GABRG2: variants seen among roughly 807,000 people sequenced by gnomAD.
The protein encoded by GABRG2 is gamma-aminobutyric acid receptor subunit gamma-2.
Under a neutral mutation model 56.4 loss-of-function variants are expected in GABRG2, and 16 were observed. The observed-to-expected ratio is 0.28, with a 90% CI of 0.19 to 0.43. GABRG2 has a LOEUF of 0.43. Among genes scored for constraint, GABRG2 ranks in the 20% least tolerant of loss-of-function variants. The pLI is 1.00. For missense variants in GABRG2, 327 were observed against 582.7 expected (o/e 0.56, Z 4.52); for synonymous variants, 208 against 205.5 (o/e 1.01, Z -0.10).
In GABRG2 at chr5:162,149,038, C is replaced by G. The variant is rs1244400695; in HGVS notation, c.923-70C>G. ...ATCAGAAGTCATGAAACAATGTAGT[C>G]TCACGAGTGACTCAGTTACCCAACT... is the stretch of plus-strand genomic sequence containing the variant. On this transcript the variant is annotated intron_variant, in intron 7 of 9. Coordinates refer to ENST00000639213, the MANE Select transcript of GABRG2 (RefSeq NM_198904.4). 5 of 1,382,834 alleles carry G rather than the reference C, an allele frequency of 3.6e-6. No individual in the cohort carries two copies. In the East Asian group the frequency reaches 1.1e-4, roughly 32 times the overall value. The allele number at this position is 1,382,834 out of a possible 1,614,324, so 85.7% of individuals were successfully genotyped here.
At chr5:162,144,628 C>T (rs1764823127) in intron 7 of GABRG2, among the ~76,000 whole-genome samples, 1 of 152,156 alleles carries the variant, frequency 6.6e-6, no homozygotes. Flanking sequence ...ATTTTTAGAG[C>T]TGAGCTAAGG....
At chr5:162,121,642 A>C (rs1195191819) in intron 6 of GABRG2, among the ~76,000 whole-genome samples, 4 of 152,068 alleles carry the variant, frequency 2.6e-5, no homozygotes, top group African/African-American at 9.7e-5. Flanking sequence ...GACTGACTGT[A>C]GATATAATGC....
chr5:162,113,239 C>A (rs1291709984), intron 6 of GABRG2, among the ~76,000 whole-genome samples: 1 of 152,108 alleles, frequency 6.6e-6, no homozygotes, highest in Non-Finnish European at 1.5e-5. Flanking sequence ...CATGCCCAGC[C>A]TGGTTTGTTT....
chr5:162,082,066 A>G (rs754711302), intron 1 of GABRG2, among the ~76,000 whole-genome samples: 10 of 151,858 alleles, frequency 6.6e-5, no homozygotes, highest in Non-Finnish European at 1.0e-4. Flanking sequence ...TTGAGAGTAC[A>G]TACTTGATTG....
At chr5:162,121,816 T>G (rs1160627228) in intron 6 of GABRG2, among the ~76,000 whole-genome samples, 2 of 151,996 alleles carry the variant, frequency 1.3e-5, no homozygotes, top group Non-Finnish European at 2.9e-5. Context: ...GAAATTGGGT[T>G]TGATAGTGTT....
At chr5:162,152,917 C>T in intron 9 of GABRG2, 176 bp from the exon 10 acceptor site, 1 of 751,584 alleles carries the variant, frequency 1.3e-6, no homozygotes, top group Non-Finnish European at 2.2e-6. Context: ...AATTTGAAAT[C>T]TGCAAATGTG....
intron 1 of GABRG2, among the ~76,000 whole-genome samples, chr5:162,085,258 T>G (rs1351023427): frequency 1.3e-5 from 2 of 152,012 alleles, no homozygotes; most frequent in Non-Finnish European, 2.9e-5. Context: ...GTACATATAT[T>G]AAGTGGAACG....
chr5:162,074,562 A>G lies in GABRG2; in HGVS notation c.107+6456A>G, dbSNP rs115887184. On this transcript the variant is annotated intron_variant, in intron 1 of 9. Transcript: ENST00000639213. ...GTATATTTATATAAATAAAATGGCAAAAACAAGCTGAATATAATATGTCAT... is the reference window on the plus strand; with the variant it reads ...GTATATTTATATAAATAAAATGGCAGAAACAAGCTGAATATAATATGTCAT... 5.2e-3 allele frequency among the ~76,000 whole-genome samples: 797 copies of G among 152,220 alleles called. 6 individuals carry two copies. The highest frequency in any genetic ancestry group is 0.017 in the African/African-American group (715 of 41,562).
At chr5:162,115,559 T>C (rs1303591110) in intron 6 of GABRG2, among the ~76,000 whole-genome samples, 2 of 151,974 alleles carry the variant, frequency 1.3e-5, no homozygotes, top group South Asian at 2.1e-4. Flanking sequence ...AGACCTGCCA[T>C]GAGTGGGAGG....
intron 6 of GABRG2, among the ~76,000 whole-genome samples, chr5:162,119,037 C>T (rs769447267): frequency 1.3e-5 from 2 of 152,004 alleles, no homozygotes; most frequent in East Asian, 1.9e-4. Flanking sequence ...ATGCTGGACC[C>T]AGTTAAATGC....
intron 6 of GABRG2, among the ~76,000 whole-genome samples, chr5:162,116,400 C>T (rs1396408201): frequency 6.6e-6 from 1 of 150,998 alleles, no homozygotes; most frequent in Non-Finnish European, 1.5e-5. Context: ...CTCAATTGTT[C>T]TACCTCCAGT....
At chr5:162,077,906 A>G (rs573819873) in intron 1 of GABRG2, among the ~76,000 whole-genome samples, 2 of 152,098 alleles carry the variant, frequency 1.3e-5, no homozygotes, top group East Asian at 1.9e-4. Context: ...GAGAGAGGAG[A>G]CAGAGAGGAT....
chr5:162,090,163 A>G (rs1235469719), intron 1 of GABRG2, among the ~76,000 whole-genome samples: 3 of 152,164 alleles, frequency 2.0e-5, no homozygotes, highest in African/African-American at 4.8e-5. Flanking sequence ...ATAAAAGTGA[A>G]TAATCTAATA....
intron 6 of GABRG2, among the ~76,000 whole-genome samples, chr5:162,138,609 G>A (rs1323168961): frequency 6.6e-6 from 1 of 152,128 alleles, no homozygotes; most frequent in Non-Finnish European, 1.5e-5. Flanking sequence ...AAAAAGGAAT[G>A]TAAAGAAGAG....
chr5:162,142,419 A>G (rs1421717854), intron 7 of GABRG2, 103 bp downstream of exon 7: 3 of 1,212,570 alleles, frequency 2.5e-6, no homozygotes, highest in African/African-American at 3.0e-5. Flanking sequence ...TTAGCCTGCA[A>G]TTGCATAGAA....
chr5:162,116,036 C>G (rs918680486), intron 6 of GABRG2, among the ~76,000 whole-genome samples: 6 of 151,640 alleles, frequency 4.0e-5, no homozygotes, highest in Non-Finnish European at 5.9e-5. Flanking sequence ...GTGTAAGTTA[C>G]TGAATAGACA....
rs1158614869 is a variant in GABRG2 at position 162,104,138 on chromosome 5, A to T, written c.769+112A>T. 3 of 984,046 alleles carry T rather than the reference A, an allele frequency of 3.0e-6. No individual in the cohort carries two copies. In the African/African-American group the frequency reaches 4.8e-5, roughly 16 times the overall value. The allele number at this position is 984,046 out of a possible 1,614,324, so 61.0% of individuals were successfully genotyped here. A position where few individuals can be genotyped will look rare whatever the true frequency, so the allele number is the denominator to read the frequency against. The stretch of plus-strand genomic sequence containing the variant: ...TCAATGAATGATAATCAGAAAATTA[A>T]ATGAAGTGTTTTAACTTTCTAGAGA... On this transcript the variant is annotated intron_variant, in intron 6 of 9. Coordinates refer to ENST00000639213, the MANE Select transcript of GABRG2 (RefSeq NM_198904.4).
intron 6 of GABRG2, among the ~76,000 whole-genome samples, chr5:162,106,577 A>G (rs1387960714): frequency 6.6e-6 from 1 of 152,190 alleles, no homozygotes; most frequent in Non-Finnish European, 1.5e-5. Context: ...TATGTTTACA[A>G]GTTTCTTGGG....
At chr5:162,074,281 A>G (rs2113134657) in intron 1 of GABRG2, among the ~76,000 whole-genome samples, 1 of 152,188 alleles carries the variant, frequency 6.6e-6, no homozygotes, top group African/African-American at 2.4e-5. Flanking sequence ...ATAACTCTGC[A>G]TAGATAAAAT....
Sources: allele counts gnomAD v4.1 joint callset (sites outside exome capture counted in the v4.1 genomes callset), GRCh38; gene constraint gnomAD v4.1.1; transcripts MANE v1.5; gene names NCBI Gene and HGNC (gene_info 2026-07-23, HGNC 2026-07-21).